Variants in ARL15 observed in about 807,000 individuals in gnomAD.
ARL15 encodes ARF like GTPase 15, also known as ADP-ribosylation factor-like protein 15.
In ARL15, 19 loss-of-function variants were observed where a neutral mutation model predicts 25.2. The observed-to-expected ratio is 0.75, with a 90% CI of 0.53 to 1.10. The LOEUF (loss-of-function observed/expected upper bound fraction) is 1.10, where lower values mean the gene tolerates loss of function less well. ARL15 is among the 50% of genes least tolerant of loss of function. The pLI, the probability that ARL15 is intolerant of heterozygous loss-of-function variation, is 0.00. For missense variants in ARL15, 220 were observed against 246.0 expected (o/e 0.89, Z 0.71); for synonymous variants, 94 against 86.8 (o/e 1.08, Z -0.46).
At chr5:54,157,225 A>G (rs1754262605) in intron 2 of ARL15, among the ~76,000 whole-genome samples, 1 of 152,196 alleles carries the variant, frequency 6.6e-6, no homozygotes, top group South Asian at 2.1e-4. Context: ...CAGGCTCTCA[A>G]AGGGAAGTAA....
At chr5:54,093,691 TAAAA>T (rs11450435) in intron 4 of ARL15, among the ~76,000 whole-genome samples, 14 of 142,576 alleles carry the variant, frequency 9.8e-5, no homozygotes, top group African/African-American at 3.3e-4. Flanking sequence ...CATTTAAAGT[TAAAA>T]AAAAAAAAAA....
At chr5:54,079,768 C>T (rs1751728815) in intron 4 of ARL15, among the ~76,000 whole-genome samples, 1 of 151,976 alleles carries the variant, frequency 6.6e-6, no homozygotes, top group South Asian at 2.1e-4. Flanking sequence ...TCAGGAGTTC[C>T]AGACCAGCCT....
At chr5:54,027,940 G>A (rs555950116) in intron 4 of ARL15, among the ~76,000 whole-genome samples, 6 of 151,154 alleles carry the variant, frequency 4.0e-5, no homozygotes, top group South Asian at 2.1e-4. Flanking sequence ...TTTTTGAGAC[G>A]GAGTCTTGTT....
chr5:54,021,276 A>G (rs1749592686), intron 4 of ARL15, among the ~76,000 whole-genome samples: 1 of 152,230 alleles, frequency 6.6e-6, no homozygotes, highest in South Asian at 2.1e-4. Flanking sequence ...CGGAGATTGC[A>G]GTGAGCTGAG....
chr5:54,251,275 T>G (rs934339696), intron 1 of ARL15, among the ~76,000 whole-genome samples: 2 of 152,232 alleles, frequency 1.3e-5, no homozygotes, highest in African/African-American at 4.8e-5. Context: ...TGCTTTGAAC[T>G]TTAGTGCAAA....
At chr5:54,036,181 C>T (rs1482533538) in intron 4 of ARL15, among the ~76,000 whole-genome samples, 1 of 151,620 alleles carries the variant, frequency 6.6e-6, no homozygotes, top group Non-Finnish European at 1.5e-5. Context: ...GGATTTTGAT[C>T]AGATATAAGA....
At chr5:54,104,056 C>A (rs1752517222) in intron 4 of ARL15, among the ~76,000 whole-genome samples, 1 of 152,154 alleles carries the variant, frequency 6.6e-6, no homozygotes, top group Non-Finnish European at 1.5e-5. Flanking sequence ...GTGCAGCTGC[C>A]TGGAAATTGG....
At chr5:54,065,525 G>C (rs1039206979) in intron 4 of ARL15, among the ~76,000 whole-genome samples, 1 of 136,828 alleles carries the variant, frequency 7.3e-6, no homozygotes, top group African/African-American at 3.1e-5. Flanking sequence ...AATTAGCCAG[G>C]TGTGGTGGCA....
chr5:54,289,277 C>T (rs140232963), intron 1 of ARL15, among the ~76,000 whole-genome samples: 95 of 152,022 alleles, frequency 6.2e-4, no homozygotes, highest in African/African-American at 2.1e-3. Flanking sequence ...AGCAAAGTCC[C>T]TGCTCTTATG....
At chr5:54,003,457 T>C (rs1455067779) in intron 4 of ARL15, among the ~76,000 whole-genome samples, 2 of 152,212 alleles carry the variant, frequency 1.3e-5, no homozygotes, top group East Asian at 3.9e-4. Context: ...GAAAAGTACA[T>C]GCACATTGAA....
At chr5:54,211,632 G>A (rs1756045583) in intron 1 of ARL15, among the ~76,000 whole-genome samples, 2 of 151,774 alleles carry the variant, frequency 1.3e-5, no homozygotes, top group Admixed American at 1.3e-4. Context: ...CACCATACCT[G>A]GCTAATTTTT....
At chr5:53,903,579 T>C (rs184212554) in intron 4 of ARL15, among the ~76,000 whole-genome samples, 2 of 152,274 alleles carry the variant, frequency 1.3e-5, no homozygotes, top group East Asian at 3.9e-4. Context: ...AAGGCAAAAG[T>C]CAGAGAACAA....
chr5:54,033,182 G>A (rs972098811), intron 4 of ARL15, among the ~76,000 whole-genome samples: 14 of 151,838 alleles, frequency 9.2e-5, no homozygotes, highest in African/African-American at 2.4e-4. Context: ...GCGTGGTGGC[G>A]CATGACTGTA....
chr5:54,009,204 T>C (rs959535568), intron 4 of ARL15, among the ~76,000 whole-genome samples: 3 of 152,232 alleles, frequency 2.0e-5, no homozygotes, highest in African/African-American at 7.2e-5. Context: ...TTTGCCATCA[T>C]TGTTAAATTG....
At chr5:53,957,961 GC>G (rs1169406066) in intron 4 of ARL15, among the ~76,000 whole-genome samples, 1 of 152,124 alleles carries the variant, frequency 6.6e-6, no homozygotes, top group Non-Finnish European at 1.5e-5. Flanking sequence ...TGTAATCCCA[GC>G]ACTTTGGGAG....
chr5:53,946,698 C>T (rs1485446357), intron 4 of ARL15, among the ~76,000 whole-genome samples: 1 of 152,108 alleles, frequency 6.6e-6, no homozygotes, highest in Admixed American at 6.5e-5. Flanking sequence ...ATCCTGAAAA[C>T]TATCATTAAC....
At chr5:53,939,685 A>G (rs1746470759) in intron 4 of ARL15, among the ~76,000 whole-genome samples, 1 of 152,018 alleles carries the variant, frequency 6.6e-6, no homozygotes, top group African/African-American at 2.4e-5. Flanking sequence ...CAGTGAGCCG[A>G]GATCCCGCTA....
At chr5:54,264,893 A>G (rs1757584103) in intron 1 of ARL15, among the ~76,000 whole-genome samples, 1 of 152,162 alleles carries the variant, frequency 6.6e-6, no homozygotes, top group Admixed American at 6.5e-5. Context: ...AACATACAAT[A>G]TGTAGTTTAC....
chr5:54,111,739 A>T (rs1752749060), intron 4 of ARL15, among the ~76,000 whole-genome samples: 1 of 152,128 alleles, frequency 6.6e-6, no homozygotes, highest in African/African-American at 2.4e-5. Flanking sequence ...TAGTGTACAC[A>T]TACATATTAC....
Sources: gnomAD v4.1 joint callset for allele counts (sites outside exome capture counted in the v4.1 genomes callset) on GRCh38, gnomAD v4.1.1 for gene constraint, MANE v1.5 for transcripts, NCBI Gene and HGNC (gene_info 2026-07-23, HGNC 2026-07-21) for gene names.